Variants in MTF2 observed in about 807,000 individuals in gnomAD.
MTF2 encodes the protein metal response element binding transcription factor 2, also known as metal-response element-binding transcription factor 2.
MTF2 carries 11 observed loss-of-function variants against 79.5 expected under a neutral mutation model. The observed-to-expected ratio is 0.14, with a 90% CI of 0.09 to 0.23. The LOEUF is 0.23. MTF2 is among the 10% of genes least tolerant of loss of function. The probability of loss-of-function intolerance (pLI) is 1.00; values close to 1 mark genes in which losing one functional copy is unlikely to be tolerated. For synonymous variants in MTF2, 208 were observed against 232.8 expected (o/e 0.89, Z 0.97); for missense variants, 486 against 711.2 (o/e 0.68, Z 3.60).
intron 1 of MTF2, among the ~76,000 whole-genome samples, chr1:93,100,507 G>A (rs1655485528): frequency 6.6e-6 from 1 of 152,018 alleles, no homozygotes; most frequent in Non-Finnish European, 1.5e-5. Flanking sequence ...GAGTTTCACT[G>A]TGTGTTAGCC....
intron 10 of MTF2, among the ~76,000 whole-genome samples, chr1:93,127,998 A>G (rs186252524): frequency 4.3e-4 from 66 of 152,256 alleles, no homozygotes; most frequent in African/African-American, 1.6e-3. Flanking sequence ...TTTGAAATTG[A>G]TAGTATTTCT....
intron 1 of MTF2, among the ~76,000 whole-genome samples, chr1:93,085,211 C>T (rs1342554626): frequency 5.5e-5 from 8 of 145,972 alleles, no homozygotes; most frequent in Non-Finnish European, 1.0e-4. Flanking sequence ...TTTTTTGAAA[C>T]GGAGTCCAGG....
chr1:93,110,740 C>G, intron 3 of MTF2, 114 bp downstream of exon 3: 1 of 853,610 alleles, frequency 1.2e-6, no homozygotes, highest in Non-Finnish European at 1.9e-6. Context: ...CTCAGTATTA[C>G]TTCCTAGGAG....
intron 1 of MTF2, among the ~76,000 whole-genome samples, chr1:93,107,030 A>G (rs1289936818): frequency 6.6e-6 from 1 of 152,138 alleles, no homozygotes; most frequent in East Asian, 1.9e-4. Flanking sequence ...CTCTAATTAT[A>G]CTACCAAAAG....
chr1:93,130,438 A>T (rs1389152701), intron 11 of MTF2, among the ~76,000 whole-genome samples: 1 of 152,130 alleles, frequency 6.6e-6, no homozygotes, highest in Non-Finnish European at 1.5e-5. Context: ...TTAGCCGGGC[A>T]TGGTGGCTTT....
intron 1 of MTF2, among the ~76,000 whole-genome samples, chr1:93,090,230 C>T: frequency 6.6e-6 from 1 of 152,314 alleles, no homozygotes; most frequent in East Asian, 1.9e-4. Context: ...CCCGCCTCAG[C>T]CTCCCAAAGT....
intron 10 of MTF2, among the ~76,000 whole-genome samples, chr1:93,127,592 G>A (rs1396145730): frequency 6.6e-6 from 1 of 152,092 alleles, no homozygotes; most frequent in Admixed American, 6.5e-5. Context: ...CTTCTATAAT[G>A]TAATGTACTG....
chr1:93,116,297 C>T (rs961038462), intron 6 of MTF2, among the ~76,000 whole-genome samples: 1 of 151,760 alleles, frequency 6.6e-6, no homozygotes, highest in Non-Finnish European at 1.5e-5. Flanking sequence ...GCTGGGTTTA[C>T]AGGCCTGAGC....
Position 93,129,328 on chromosome 1 carries a change from G to A in MTF2, c.1040G>A (p.Arg347Gln). 1.3e-6 allele frequency: 2 copies of A among 1,588,330 alleles called. No individual in the cohort carries two copies. Among genetic ancestry groups the A allele is most frequent in the Non-Finnish European group, 8.6e-7 (1 of 1,163,272 alleles). Reference protein sequence around the residue: ...IKKKKHLFGLRIRVPPVPPNV... With the variant: ...IKKKKHLFGLQIRVPPVPPNV... ...AAGAAGAAGCATTTGTTTGGGTTGC[G>A]AATTCGTGTTCCTCCTGTGCCACCA... Residue 347 changes from arginine to glutamine, a missense_variant, in exon 11 of 15, where the codon CGA (arginine) becomes CAA (glutamine). Arg to Gln is a conservative substitution (Grantham distance 43). Coordinates refer to ENST00000370298, the MANE Select transcript of MTF2 (RefSeq NM_007358.4).
At chr1:93,110,516 T>C (rs377116768) in intron 2 of MTF2, 29 bp from the exon 3 acceptor site, 6 of 1,602,206 alleles carry the variant, frequency 3.7e-6, no homozygotes, top group Non-Finnish European at 4.3e-6. Flanking sequence ...TTTTAAGAGA[T>C]CACCGTTAAG....
intron 1 of MTF2, among the ~76,000 whole-genome samples, chr1:93,109,204 T>C (rs1655926857): frequency 6.6e-6 from 1 of 152,246 alleles, no homozygotes; most frequent in Non-Finnish European, 1.5e-5. Context: ...CTTTGTTACC[T>C]TTAAGAAAGC....
chr1:93,112,228 G>A (rs941784792), intron 3 of MTF2, among the ~76,000 whole-genome samples: 2 of 152,158 alleles, frequency 1.3e-5, no homozygotes, highest in African/African-American at 4.8e-5. Context: ...GAAACTTATA[G>A]TTGCTATAAA....
At chr1:93,101,837 C>G (rs970074627) in intron 1 of MTF2, among the ~76,000 whole-genome samples, 1 of 151,976 alleles carries the variant, frequency 6.6e-6, no homozygotes, top group Non-Finnish European at 1.5e-5. Context: ...CTTGGCCTCC[C>G]AAAGAGCTGA....
At chr1:93,132,105 T>TA (rs1273133832) in intron 11 of MTF2, among the ~76,000 whole-genome samples, 1 of 151,786 alleles carries the variant, frequency 6.6e-6, no homozygotes, top group African/African-American at 2.4e-5. Flanking sequence ...AAATATAAGG[T>TA]AAAGATAGCT....
intron 3 of MTF2, among the ~76,000 whole-genome samples, chr1:93,113,765 T>C (rs919737689): frequency 2.0e-5 from 3 of 152,182 alleles, no homozygotes; most frequent in Non-Finnish European, 2.9e-5. Flanking sequence ...GTTAGTTACT[T>C]TGTCTGAGCC....
intron 1 of MTF2, among the ~76,000 whole-genome samples, chr1:93,083,351 C>T (rs952943347): frequency 2.6e-5 from 4 of 152,166 alleles, no homozygotes; most frequent in African/African-American, 9.7e-5. Flanking sequence ...CAAACTATAT[C>T]GTTAATGTTT....
At chr1:93,129,236 G>A in intron 10 of MTF2, 42 bp from the exon 11 acceptor site, 1 of 1,423,708 alleles carries the variant, frequency 7.0e-7, no homozygotes, top group East Asian at 2.5e-5. Flanking sequence ...ATGTATATGT[G>A]TTCAGTTTTT....
rs773441104 is a variant in MTF2 at position 93,134,158 on chromosome 1, A to G, written c.1387A>G (p.Lys463Glu). The G allele has an allele frequency of 1.9e-6, 3 of 1,613,222 alleles. No homozygotes were observed. The highest frequency in any genetic ancestry group is 2.5e-6 in the Non-Finnish European group (3 of 1,179,472). Residue 463 changes from lysine (K) to glutamate (E), a missense_variant, in exon 14 of 15, where the codon AAA becomes GAA. Lys to Glu is a moderately conservative substitution (Grantham distance 56). Coordinates refer to ENST00000370298, the MANE Select transcript of MTF2 (RefSeq NM_007358.4). ...GGATTTCACGGGTGCTTCCAGTGCAAAAGAAACTACCTCGTCTAGCATTTC... is the reference window on the plus strand; with the variant it reads ...GGATTTCACGGGTGCTTCCAGTGCAGAAGAAACTACCTCGTCTAGCATTTC... ...DVDFTGASSA[K>E]ETTSSSISRH... is the part of the protein sequence containing the mutation.
At chr1:93,086,742 TTA>T in intron 1 of MTF2, among the ~76,000 whole-genome samples, 1 of 152,300 alleles carries the variant, frequency 6.6e-6, no homozygotes, top group Non-Finnish European at 1.5e-5. Context: ...GAAGAACTAT[TTA>T]TAAAGTCCTT....
Sources: gnomAD v4.1 joint callset for allele counts (sites outside exome capture counted in the v4.1 genomes callset) on GRCh38, gnomAD v4.1.1 for gene constraint, MANE v1.5 for transcripts, NCBI Gene and HGNC (gene_info 2026-07-23, HGNC 2026-07-21) for gene names.